The following LRRTM4 variants were observed in gnomAD, a reference collection of about 807,000 sequenced individuals.
LRRTM4 encodes leucine-rich repeat transmembrane neuronal protein 4.
A neutral mutation model predicts 47.6 loss-of-function variants in LRRTM4; 25 were observed. The ratio of observed to expected loss-of-function variants is 0.53; its 90% CI spans 0.38 to 0.73. LRRTM4 has a LOEUF of 0.73. Ranked by LOEUF, LRRTM4 falls within the 30% of genes least tolerant of loss-of-function variation. The probability of loss-of-function intolerance (pLI) is 0.00; values close to 1 mark genes in which losing one functional copy is unlikely to be tolerated. For missense variants in LRRTM4, 638 were observed against 713.4 expected, an observed-to-expected ratio of 0.89 and a Z score of 1.20; for synonymous variants, 311 against 269.5, an observed-to-expected ratio of 1.15 and a Z score of -1.51.
intron 3 of LRRTM4, among the ~76,000 whole-genome samples, chr2:77,076,942 A>C (rs1028379531): frequency 6.6e-6 from 1 of 152,136 alleles, no homozygotes; most frequent in Non-Finnish European, 1.5e-5. Flanking sequence ...TATTTCCCCT[A>C]GCAGTAATGA....
chr2:76,975,900 G>T (rs1676404029), intron 3 of LRRTM4, among the ~76,000 whole-genome samples: 1 of 151,692 alleles, frequency 6.6e-6, no homozygotes, highest in Non-Finnish European at 1.5e-5. Context: ...TTGAGAAGAG[G>T]TACTTCCTGT....
At chr2:77,308,959 A>G (rs910251170) in intron 3 of LRRTM4, among the ~76,000 whole-genome samples, 1 of 152,170 alleles carries the variant, frequency 6.6e-6, no homozygotes, top group Admixed American at 6.5e-5. Flanking sequence ...CAGTATCACA[A>G]AAGAATCTCA....
At chr2:77,087,655 A>T (rs758390885) in intron 3 of LRRTM4, among the ~76,000 whole-genome samples, 2 of 152,238 alleles carry the variant, frequency 1.3e-5, no homozygotes, top group Non-Finnish European at 2.9e-5. Context: ...ACATAACTGA[A>T]GCCCAACAGC....
intron 3 of LRRTM4, among the ~76,000 whole-genome samples, chr2:76,879,248 G>T (rs913076269): frequency 6.6e-6 from 1 of 152,204 alleles, no homozygotes; most frequent in Admixed American, 6.5e-5. Context: ...GACTTTCATA[G>T]CTAGAGAGGA....
intron 3 of LRRTM4, among the ~76,000 whole-genome samples, chr2:77,182,259 G>A (rs569569406): frequency 3.8e-4 from 58 of 152,204 alleles, no homozygotes; most frequent in Admixed American, 7.9e-4. Flanking sequence ...GAATGAGATC[G>A]TGTCCTTTAC....
intron 3 of LRRTM4, among the ~76,000 whole-genome samples, chr2:77,413,847 C>T (rs62162574): frequency 2.3e-5 from 1 of 43,506 alleles, no homozygotes; most frequent in Non-Finnish European, 1.3e-4. Flanking sequence ...GTTTTATACA[C>T]ACACACACAC....
chr2:77,479,419 A>G (rs1190817074), intron 3 of LRRTM4, among the ~76,000 whole-genome samples: 1 of 152,222 alleles, frequency 6.6e-6, no homozygotes, highest in African/African-American at 2.4e-5. Context: ...AAAAAGATCA[A>G]ACAGTCAGTC....
intron 3 of LRRTM4, among the ~76,000 whole-genome samples, chr2:77,128,422 A>ATAGATAGATAGG (rs1671710696): frequency 6.6e-6 from 1 of 152,086 alleles, no homozygotes; most frequent in Non-Finnish European, 1.5e-5. Flanking sequence ...AGATAGATAG[A>ATAGATAGATAGG]GAAATGTCCC....
chr2:77,166,112 T>A (rs867508862), intron 3 of LRRTM4, among the ~76,000 whole-genome samples: 26 of 152,274 alleles, frequency 1.7e-4, no homozygotes, highest in Middle Eastern at 3.4e-3. Flanking sequence ...CAGCAAAGTC[T>A]CAGGATATAA....
Position 76,950,509 on chromosome 2 carries a change from T to C in LRRTM4, c.1552-201593A>G, listed in dbSNP as rs1028882871. ...ACCTTCAAAACAGGAAAAATGAATA[T>C]TGTATCTGAATTGAAAAGTTTAGGA... On this transcript the variant is annotated intron_variant, in intron 3 of 3. Transcript: ENST00000409884. Among the ~76,000 whole-genome samples the C allele has an allele frequency of 8.6e-5, 13 of 151,960 alleles. No homozygotes were observed. The East Asian group carries it at 1.9e-3, about 23-fold the overall frequency.
chr2:76,856,681 T>G (rs1434729204), intron 3 of LRRTM4, among the ~76,000 whole-genome samples: 1 of 152,166 alleles, frequency 6.6e-6, no homozygotes. Flanking sequence ...AATGTTTTAT[T>G]GCCATTAAAA....
At chr2:77,365,747 A>G (rs1191174387) in intron 3 of LRRTM4, among the ~76,000 whole-genome samples, 1 of 151,352 alleles carries the variant, frequency 6.6e-6, no homozygotes, top group Non-Finnish European at 1.5e-5. Flanking sequence ...TAGGATAAAC[A>G]TTGGGTATGT....
intron 3 of LRRTM4, among the ~76,000 whole-genome samples, chr2:77,072,303 GCTGAATATCTGC>G (rs1471115305): frequency 1.3e-5 from 2 of 152,054 alleles, no homozygotes; most frequent in Admixed American, 1.3e-4. Flanking sequence ...GTGGGCTTTA[GCTGAATATCTGC>G]CTGACTCATG....
chr2:76,908,503 C>T (rs1171531297), intron 3 of LRRTM4, among the ~76,000 whole-genome samples: 2 of 151,478 alleles, frequency 1.3e-5, no homozygotes, highest in African/African-American at 2.4e-5. Context: ...GGCAATTAGG[C>T]AGGAGAAGGA....
At chr2:77,289,466 T>C (rs1676759655) in intron 3 of LRRTM4, among the ~76,000 whole-genome samples, 1 of 152,084 alleles carries the variant, frequency 6.6e-6, no homozygotes, top group South Asian at 2.1e-4. Context: ...TGAGCTACTC[T>C]CATAACCCTG....
intron 3 of LRRTM4, among the ~76,000 whole-genome samples, chr2:77,429,012 T>C (rs1675241317): frequency 6.6e-6 from 1 of 152,178 alleles, no homozygotes; most frequent in African/African-American, 2.4e-5. Context: ...ACAATGTCAT[T>C]CCCTGGGTTT....
At chr2:77,151,518 G>A (rs905745537) in intron 3 of LRRTM4, among the ~76,000 whole-genome samples, 8 of 152,106 alleles carry the variant, frequency 5.3e-5, no homozygotes, top group Middle Eastern at 3.2e-3. Context: ...GCCAAAATGT[G>A]GAACAACCCA....
Position 77,462,844 on chromosome 2 carries a change from G to A in LRRTM4, c.1551+55474C>T, listed in dbSNP as rs114271086. Among the ~76,000 whole-genome samples the A allele has an allele frequency of 9.8e-3, 1,491 of 151,736 alleles. 25 individuals are homozygous for A. The highest frequency in any genetic ancestry group is 0.034 in the African/African-American group (1,399 of 41,388). ...ATGGCTTTTAAGATTTTGAGACTAG[G>A]GCAACCCTCCTTCTTTTAAGGAAGC... is the stretch of plus-strand genomic sequence containing the variant. On this transcript the variant is annotated intron_variant, in intron 3 of 3. Transcript: ENST00000409884.
At chr2:77,228,714 C>G (rs1328617000) in intron 3 of LRRTM4, among the ~76,000 whole-genome samples, 1 of 152,192 alleles carries the variant, frequency 6.6e-6, no homozygotes, top group Non-Finnish European at 1.5e-5. Context: ...AAAACATATT[C>G]TTATTGTGTC....
Sources: allele counts gnomAD v4.1 joint callset (sites outside exome capture counted in the v4.1 genomes callset), GRCh38; gene constraint gnomAD v4.1.1; transcripts MANE v1.5; gene names NCBI Gene and HGNC (gene_info 2026-07-23, HGNC 2026-07-21).